The following AP2B1 variants were observed in gnomAD, a reference collection of about 807,000 sequenced individuals.
AP2B1 encodes the protein AP-2 complex subunit beta.
In AP2B1, 23 loss-of-function variants were observed where a neutral mutation model predicts 102.0. The observed-to-expected ratio is 0.23, with a 90% CI of 0.16 to 0.32. AP2B1 has a LOEUF of 0.32. Ranked by LOEUF, AP2B1 falls within the 10% of genes least tolerant of loss-of-function variation. The pLI, the probability that AP2B1 is intolerant of heterozygous loss-of-function variation, is 1.00. For synonymous variants in AP2B1, 381 were observed against 421.2 expected, an observed-to-expected ratio of 0.90 and a Z score of 1.17; for missense variants, 541 against 1,157.4, an observed-to-expected ratio of 0.47 and a Z score of 7.73.
chr17:35,664,883 C>T (rs975708865), intron 14 of AP2B1, among the ~76,000 whole-genome samples: 2 of 152,092 alleles, frequency 1.3e-5, no homozygotes, highest in Non-Finnish European at 2.9e-5. Flanking sequence ...CTGTGGTGAC[C>T]ATTCTAAGGA....
At chr17:35,628,118 G>C in intron 9 of AP2B1, among the ~76,000 whole-genome samples, 1 of 152,184 alleles carries the variant, frequency 6.6e-6, no homozygotes, top group Middle Eastern at 3.4e-3. Flanking sequence ...TATTTACATA[G>C]TATTTACATT....
chr17:35,688,355 A>T (rs748064152), intron 18 of AP2B1, among the ~76,000 whole-genome samples: 1 of 152,132 alleles, frequency 6.6e-6, no homozygotes, highest in African/African-American at 2.4e-5. Flanking sequence ...CTGATTCTTG[A>T]TACTTGCTTT....
intron 18 of AP2B1, among the ~76,000 whole-genome samples, chr17:35,708,861 G>A (rs2076395157): frequency 6.6e-6 from 1 of 152,122 alleles, no homozygotes; most frequent in Non-Finnish European, 1.5e-5. Flanking sequence ...TACTTTGTTT[G>A]AGATCATTAT....
At chr17:35,626,393 ACTGGTTTC>A (rs141069096) in intron 6 of AP2B1, among the ~76,000 whole-genome samples, 112 of 152,118 alleles carry the variant, frequency 7.4e-4, no homozygotes, top group Middle Eastern at 3.4e-3. Context: ...ATCCCTTATT[ACTGGTTTC>A]CTGAAGTCTT....
Position 35,624,409 on chromosome 17 carries a change from G to GC in AP2B1, c.540dup (p.Val181ArgfsTer6). ...CCTTCTTTTCCAGGTGGTGGCTAAT[G>GC]CCGTAGCGGCATTATCTGAAATCAG... On this transcript the variant is annotated frameshift_variant, in exon 6 of 22. Transcript: ENST00000610402. LOFTEE classifies it high-confidence loss of function. 1 of 1,614,114 alleles carries GC rather than the reference G, an allele frequency of 6.2e-7. No individual in the cohort carries two copies. Among genetic ancestry groups the GC allele is most frequent in the Non-Finnish European group, 8.5e-7 (1 of 1,179,972 alleles).
chr17:35,705,514 CAG>C (rs2076323390), intron 18 of AP2B1, among the ~76,000 whole-genome samples: 1 of 151,898 alleles, frequency 6.6e-6, no homozygotes, highest in African/African-American at 2.4e-5. Context: ...ATGGTGAAAG[CAG>C]AGTGAAATTT....
At chr17:35,708,600 CT>C (rs2076389959) in intron 18 of AP2B1, among the ~76,000 whole-genome samples, 1 of 151,996 alleles carries the variant, frequency 6.6e-6, no homozygotes, top group African/African-American at 2.4e-5. Flanking sequence ...GCCAAACAAG[CT>C]TTTTCCAACC....
intron 8 of AP2B1, 48 bp downstream of exon 8, chr17:35,627,553 T>G (rs746464078): frequency 6.2e-7 from 1 of 1,613,378 alleles, no homozygotes; most frequent in Non-Finnish European, 8.5e-7. Context: ...GCTCTTAAGG[T>G]CTGGCCTTTA....
chr17:35,600,865 T>C (rs1035809491), intron 3 of AP2B1: 21 of 302,216 alleles, frequency 6.9e-5, no homozygotes, highest in Non-Finnish European at 8.3e-5. Context: ...GAGGGCTGCT[T>C]CCCTAACCAG....
chr17:35,678,855 C>T (rs562155827), intron 17 of AP2B1, among the ~76,000 whole-genome samples: 2 of 152,220 alleles, frequency 1.3e-5, no homozygotes, highest in Admixed American at 6.5e-5. Flanking sequence ...GATTGGCTCC[C>T]TTTACCTTTT....
chr17:35,697,716 A>T (rs2076167161), intron 18 of AP2B1, among the ~76,000 whole-genome samples: 1 of 152,254 alleles, frequency 6.6e-6, no homozygotes, highest in South Asian at 2.1e-4. Flanking sequence ...TAATCCCAGC[A>T]CTTTGGGAGG....
At chr17:35,660,584 G>A (rs2075337720) in intron 14 of AP2B1, among the ~76,000 whole-genome samples, 2 of 148,936 alleles carry the variant, frequency 1.3e-5, no homozygotes, top group Admixed American at 6.8e-5. Flanking sequence ...CCAGGTTCAA[G>A]CGATTCTCCT....
Position 35,611,272 on chromosome 17 carries a change from T to G in AP2B1, c.525+2885T>G, listed in dbSNP as rs147805690. Among the ~76,000 whole-genome samples, 370 of 152,324 alleles carry G rather than the reference T, an allele frequency of 2.4e-3. 4 individuals are homozygous for G. Among genetic ancestry groups the G allele is most frequent in the African/African-American group, 8.3e-3 (345 of 41,564 alleles). Reference sequence around the variant, plus strand: ...CGTCAACCAGGTGGGCAGAATATCATGTACCCCGTGGAAACTTATTAAATA... The same window carrying G: ...CGTCAACCAGGTGGGCAGAATATCAGGTACCCCGTGGAAACTTATTAAATA... On this transcript the variant is annotated intron_variant, in intron 5 of 21. Transcript: ENST00000610402.
At chr17:35,611,070 T>G (rs2376177) in intron 5 of AP2B1, among the ~76,000 whole-genome samples, 130,058 of 152,122 alleles carry the variant, frequency 0.85, 55,815 homozygotes, top group East Asian at 0.97. Flanking sequence ...GACAGACCCT[T>G]CCTCAAAAAT....
chr17:35,689,918 T>A (rs183416100), intron 18 of AP2B1, among the ~76,000 whole-genome samples: 1 of 152,354 alleles, frequency 6.6e-6, no homozygotes, highest in African/African-American at 2.4e-5. Context: ...CTATTATGCA[T>A]GTAGTTGTTT....
chr17:35,617,221 A>AAGTTTTGT (rs1254946446), intron 5 of AP2B1, among the ~76,000 whole-genome samples: 1 of 152,084 alleles, frequency 6.6e-6, no homozygotes, highest in Non-Finnish European at 1.5e-5. Context: ...ATGCCTGGCT[A>AAGTTTTGT]AGTTTTGTAT....
At chr17:35,610,948 G>T (rs2073844151) in intron 5 of AP2B1, among the ~76,000 whole-genome samples, 1 of 151,700 alleles carries the variant, frequency 6.6e-6, no homozygotes, top group African/African-American at 2.4e-5. Context: ...GGTGGTGCAT[G>T]CCTGTAATTC....
At chr17:35,592,961 A>C (rs2073149725) in intron 1 of AP2B1, among the ~76,000 whole-genome samples, 1 of 152,216 alleles carries the variant, frequency 6.6e-6, no homozygotes, top group African/African-American at 2.4e-5. Context: ...CGTTTTTGTT[A>C]GTAGAGCCAT....
chr17:35,594,198 A>G (rs2073188529), intron 2 of AP2B1, 131 bp downstream of exon 2: 1 of 569,488 alleles, frequency 1.8e-6, no homozygotes, highest in Non-Finnish European at 3.1e-6. Flanking sequence ...GACATCTACT[A>G]CTTCTATAGA....
Sources: allele counts gnomAD v4.1 joint callset (sites outside exome capture counted in the v4.1 genomes callset), GRCh38; gene constraint gnomAD v4.1.1; transcripts MANE v1.5; gene names NCBI Gene and HGNC (gene_info 2026-07-23, HGNC 2026-07-21).